The following PRKAR1B variants were observed in gnomAD, a reference collection of about 807,000 sequenced individuals.
The protein encoded by PRKAR1B is protein kinase cAMP-dependent type I regulatory subunit beta.
In PRKAR1B, 22 loss-of-function variants were observed where a neutral mutation model predicts 46.5. The ratio of observed to expected loss-of-function variants is 0.47; its 90% CI spans 0.34 to 0.68. PRKAR1B has a LOEUF of 0.68. Ranked by LOEUF, PRKAR1B falls within the 30% of genes least tolerant of loss-of-function variation. PRKAR1B has a pLI of 0.01. For synonymous variants in PRKAR1B, 259 were observed against 217.7 expected (o/e 1.19, Z -1.67); for missense variants, 445 against 535.6 (o/e 0.83, Z 1.67).
At chr7:645,587 G>C (rs927988075) in intron 4 of PRKAR1B, among the ~76,000 whole-genome samples, 3 of 152,176 alleles carry the variant, frequency 2.0e-5, no homozygotes, top group Non-Finnish European at 4.4e-5. Flanking sequence ...GGGAGGTCAA[G>C]ACTCAAAGCC....
intron 4 of PRKAR1B, among the ~76,000 whole-genome samples, chr7:626,476 C>T (rs1196343714): frequency 2.0e-5 from 3 of 152,192 alleles, no homozygotes; most frequent in African/African-American, 7.2e-5. Context: ...GCCTGGATGA[C>T]AGAGACAGAC....
chr7:616,893 A>G (rs1410625134), intron 4 of PRKAR1B, among the ~76,000 whole-genome samples: 1 of 152,116 alleles, frequency 6.6e-6, no homozygotes, highest in Non-Finnish European at 1.5e-5. Flanking sequence ...TCTCCATCCA[A>G]TCAAAACAGC....
chr7:708,941 T>A (rs1780470968), intron 2 of PRKAR1B, among the ~76,000 whole-genome samples: 1 of 151,386 alleles, frequency 6.6e-6, no homozygotes, highest in Non-Finnish European at 1.5e-5. Flanking sequence ...TACAGGTGCG[T>A]GCCACCACAC....
chr7:628,493 C>T (rs1783540111), intron 4 of PRKAR1B, among the ~76,000 whole-genome samples: 3 of 152,250 alleles, frequency 2.0e-5, no homozygotes. Context: ...CAGCTGTCTG[C>T]CATCAAACCG....
chr7:600,253 A>C (rs1415166522), intron 6 of PRKAR1B, among the ~76,000 whole-genome samples: 1 of 152,242 alleles, frequency 6.6e-6, no homozygotes, highest in African/African-American at 2.4e-5. Flanking sequence ...ACCTGTCATC[A>C]CAGCACTTTG....
At chr7:579,233 C>T (rs759391790) in intron 9 of PRKAR1B, 23 bp downstream of exon 9, 9 of 1,613,878 alleles carry the variant, frequency 5.6e-6, no homozygotes, top group Non-Finnish European at 7.6e-6. Context: ...ACCCAGAGCG[C>T]CCACGTGGGA....
intron 8 of PRKAR1B, among the ~76,000 whole-genome samples, chr7:580,789 C>G (rs1780136370): frequency 6.8e-6 from 1 of 147,636 alleles, no homozygotes; most frequent in South Asian, 2.2e-4. Context: ...CTATACAAAT[C>G]AGATGCTACC....
intron 6 of PRKAR1B, 46 bp downstream of exon 6, chr7:606,147 C>T: frequency 1.3e-6 from 2 of 1,595,736 alleles, no homozygotes; most frequent in Non-Finnish European, 1.7e-6. Flanking sequence ...TCACACCGGA[C>T]ATGCAAAGAC....
chr7:699,220 G>T (rs1000094680), intron 2 of PRKAR1B, among the ~76,000 whole-genome samples: 1 of 152,032 alleles, frequency 6.6e-6, no homozygotes, highest in Non-Finnish European at 1.5e-5. Context: ...GGGAACCCAC[G>T]TTCTCTCTCC....
rs1784333519 is a variant in PRKAR1B, at chr7:640,535, G to A, written c.441-33083C>T. 2.0e-5 allele frequency among the ~76,000 whole-genome samples: 3 copies of A among 152,110 alleles called. No homozygotes were observed. The South Asian group carries it at 6.2e-4, about 32-fold the overall frequency. ...CCCAGCACTTCGGGAGGCCGAGGCG[G>A]GTGGACCACCTGAGGTCAGGAGTTC... On this transcript the variant is annotated intron_variant, in intron 4 of 10. Transcript: ENST00000537384.
chr7:553,849 C>A (rs1784398327), intron 9 of PRKAR1B, among the ~76,000 whole-genome samples: 1 of 152,276 alleles, frequency 6.6e-6, no homozygotes, highest in Non-Finnish European at 1.5e-5. Flanking sequence ...CCTGATCCGG[C>A]CGTGGGGCCA....
chr7:689,146 C>T (rs1033303001), intron 2 of PRKAR1B, among the ~76,000 whole-genome samples: 9 of 151,842 alleles, frequency 5.9e-5, no homozygotes, highest in African/African-American at 9.7e-5. Flanking sequence ...GGCAGAGTCT[C>T]GCTCTGTCAC....
At chr7:687,173 G>C in intron 2 of PRKAR1B, among the ~76,000 whole-genome samples, 1 of 151,998 alleles carries the variant, frequency 6.6e-6, no homozygotes, top group Non-Finnish European at 1.5e-5. Flanking sequence ...TGTAATGTTG[G>C]GAACTCAATC....
rs917710023 is a variant in PRKAR1B at position 593,957 on chromosome 7, G to A, written c.708+2189C>T. 1.3e-5 allele frequency among the ~76,000 whole-genome samples: 2 copies of A among 152,180 alleles called. No homozygotes were observed. Among genetic ancestry groups the A allele is most frequent in the South Asian group, 4.1e-4 (2 of 4,836 alleles). On this transcript the variant is annotated intron_variant, in intron 7 of 10. Coordinates refer to ENST00000537384, the MANE Select transcript of PRKAR1B (RefSeq NM_001164760.2). The surrounding 1 kb of genome is among the most constrained non-coding windows in gnomAD (Gnocchi z 6.1). ...ACAAAACACAAGAGCCGGCATCGCC[G>A]TGGGGCCGGGACAGGCCAGCGCCAG...
chr7:658,190 T>C (rs1785311825), intron 4 of PRKAR1B, among the ~76,000 whole-genome samples: 1 of 151,998 alleles, frequency 6.6e-6, no homozygotes, highest in South Asian at 2.1e-4. Flanking sequence ...TCCCAGCACT[T>C]TGAGATGCCA....
At chr7:633,535 G>A (rs1485937774) in intron 4 of PRKAR1B, among the ~76,000 whole-genome samples, 3 of 152,134 alleles carry the variant, frequency 2.0e-5, no homozygotes, top group African/African-American at 4.8e-5. Flanking sequence ...AGGCCGAGGC[G>A]GGAGGATCAC....
intron 4 of PRKAR1B, among the ~76,000 whole-genome samples, chr7:615,068 C>T (rs950482899): frequency 6.6e-6 from 1 of 151,606 alleles, no homozygotes; most frequent in African/African-American, 2.4e-5. Context: ...CAGAGCAAGA[C>T]CCTGTCTCTA....
At chr7:642,501 G>A (rs569889218) in intron 4 of PRKAR1B, among the ~76,000 whole-genome samples, 14 of 152,118 alleles carry the variant, frequency 9.2e-5, no homozygotes, top group Non-Finnish European at 1.3e-4. Context: ...CGAGGCGGGC[G>A]GATCACGAGG....
At position 549,838 on chromosome 7, in the gene PRKAR1B, ACT is replaced by A. The variant is rs918919055; in HGVS notation, c.*590_*591del. Reference sequence around the variant, plus strand: ...GCAAGATCAATCTCACAGCTCAGAGACTCTCCCACTCCGGCATCCGCAGCAGG... The same window carrying A: ...GCAAGATCAATCTCACAGCTCAGAGACTCCCACTCCGGCATCCGCAGCAGG... On this transcript the variant is annotated 3_prime_UTR_variant, in exon 11 of 11. Coordinates refer to ENST00000537384, the MANE Select transcript of PRKAR1B (RefSeq NM_001164760.2). 4.6e-5 allele frequency: 7 copies of A among 152,602 alleles called. No individual in the cohort carries two copies. The highest frequency in any genetic ancestry group is 1.5e-4 in the African/African-American group (6 of 40,582). The allele number at this position is 152,602 out of a possible 1,614,324, so 9.5% of individuals were successfully genotyped here. A position where few individuals can be genotyped will look rare whatever the true frequency, so the allele number is the denominator to read the frequency against.
Sources: allele counts gnomAD v4.1 joint callset (sites outside exome capture counted in the v4.1 genomes callset), GRCh38; gene constraint gnomAD v4.1.1; non-coding constraint Gnocchi (gnomAD v3.1); transcripts MANE v1.5; gene names NCBI Gene and HGNC (gene_info 2026-07-23, HGNC 2026-07-21).